Variants in ZNF385D observed in about 807,000 individuals in gnomAD.
ZNF385D encodes the protein zinc finger protein 385D, also known as zinc finger protein 659.
A neutral mutation model predicts 35.8 loss-of-function variants in ZNF385D; 15 were observed. That is an observed-to-expected ratio of 0.42 (90% confidence interval 0.28 to 0.64). The LOEUF (loss-of-function observed/expected upper bound fraction) is 0.64. Ranked by LOEUF, ZNF385D falls within the 30% of genes least tolerant of loss-of-function variation. The pLI, the probability that ZNF385D is intolerant of heterozygous loss-of-function variation, is 0.23. For synonymous variants in ZNF385D, 212 were observed against 186.8 expected (o/e 1.13, Z -1.10); for missense variants, 474 against 494.6 (o/e 0.96, Z 0.39).
chr3:21,839,060 G>A (rs2673525), intron 3 of ZNF385D, among the ~76,000 whole-genome samples: 128,941 of 152,096 alleles, frequency 0.85, 55,092 homozygotes, highest in African/African-American at 0.95. Flanking sequence ...ATAATTAAAG[G>A]TTATTAGAAG....
Position 22,351,899 on chromosome 3 carries a change from C to G in ZNF385D, c.106+20551G>C, listed in dbSNP as rs113898275. Reference sequence around the variant, plus strand: ...TCCCAAATATAGAATGAAAATGGTGCTAACCTGAAGAGAGAGAAAAGAACT... The same window carrying G: ...TCCCAAATATAGAATGAAAATGGTGGTAACCTGAAGAGAGAGAAAAGAACT... On this transcript the variant is annotated intron_variant, in intron 2 of 5. Transcript: ENST00000494108. 9.2e-3 allele frequency among the ~76,000 whole-genome samples: 1,400 copies of G among 152,212 alleles called. 19 individuals are homozygous for G. Among genetic ancestry groups the G allele is most frequent in the African/African-American group, 0.031 (1,304 of 41,538 alleles).
At chr3:21,892,617 T>G (rs1040526839) in intron 3 of ZNF385D, among the ~76,000 whole-genome samples, 6 of 152,166 alleles carry the variant, frequency 3.9e-5, no homozygotes, top group South Asian at 2.1e-4. Flanking sequence ...CAAGTCCTAT[T>G]TATTTGCAAA....
At chr3:21,651,253 A>C (rs1213989078) in intron 2 of ZNF385D, among the ~76,000 whole-genome samples, 1 of 128,144 alleles carries the variant, frequency 7.8e-6, no homozygotes, top group Non-Finnish European at 1.6e-5. Context: ...GTGCCACCGC[A>C]CTCCAGCCTG....
At chr3:21,995,681 T>A (rs764305225) in intron 3 of ZNF385D, among the ~76,000 whole-genome samples, 8 of 151,620 alleles carry the variant, frequency 5.3e-5, no homozygotes, top group Non-Finnish European at 7.4e-5. Context: ...TCTCAAGCAG[T>A]GGCGGTTACA....
At chr3:22,287,574 A>G (rs1375991520) in intron 2 of ZNF385D, among the ~76,000 whole-genome samples, 1 of 151,928 alleles carries the variant, frequency 6.6e-6, no homozygotes, top group African/African-American at 2.4e-5. Flanking sequence ...AAAGCACCTC[A>G]TATTTATAAC....
intron 3 of ZNF385D, among the ~76,000 whole-genome samples, chr3:21,995,525 G>A (rs951931988): frequency 1.3e-5 from 2 of 152,042 alleles, no homozygotes; most frequent in African/African-American, 2.4e-5. Context: ...GAGTGAGGTG[G>A]ATCAATCCCC....
chr3:22,029,739 G>T (rs1006644950), intron 3 of ZNF385D, among the ~76,000 whole-genome samples: 1 of 152,068 alleles, frequency 6.6e-6, no homozygotes. Flanking sequence ...TTGGGTTGGG[G>T]ATTGGTGCAT....
chr3:21,899,046 T>C lies in ZNF385D; in HGVS notation c.326-234018A>G, dbSNP rs572851724. On this transcript the variant is annotated intron_variant, in intron 3 of 5. Coordinates refer to the ZNF385D transcript ENST00000494108. Reference sequence around the variant, plus strand: ...GTTGAGTTATTCCCTCAGACAATAGTTCCCATCAGGAGAACGGGATGTTTA... The same window carrying C: ...GTTGAGTTATTCCCTCAGACAATAGCTCCCATCAGGAGAACGGGATGTTTA... 3.9e-4 allele frequency among the ~76,000 whole-genome samples: 60 copies of C among 152,188 alleles called. 1 individual carries two copies. In the South Asian group the frequency reaches 5.4e-3, roughly 14 times the overall value.
At chr3:21,814,564 C>G (rs2073067357) in intron 3 of ZNF385D, among the ~76,000 whole-genome samples, 1 of 152,028 alleles carries the variant, frequency 6.6e-6, no homozygotes, top group African/African-American at 2.4e-5. Context: ...TTTAAACCAA[C>G]AAAGATCAAA....
intron 2 of ZNF385D, among the ~76,000 whole-genome samples, chr3:21,623,373 T>A (rs891539135): frequency 1.3e-5 from 2 of 152,140 alleles, no homozygotes; most frequent in African/African-American, 4.8e-5. Context: ...TCTGAAATGA[T>A]GGCTCACACC....
At chr3:21,621,586 T>TGTGTGTGC (rs745931181) in intron 2 of ZNF385D, among the ~76,000 whole-genome samples, 1 of 148,822 alleles carries the variant, frequency 6.7e-6, no homozygotes, top group Non-Finnish European at 1.5e-5. Context: ...TGTGTGTGTG[T>TGTGTGTGC]GCAGTGTAGT....
intron 3 of ZNF385D, among the ~76,000 whole-genome samples, chr3:21,922,855 A>T (rs1460473874): frequency 3.3e-5 from 5 of 152,168 alleles, no homozygotes; most frequent in African/African-American, 9.7e-5. Flanking sequence ...CAACCTACAG[A>T]ATGGGAGAAA....
intron 3 of ZNF385D, among the ~76,000 whole-genome samples, chr3:22,067,748 G>A (rs1001637412): frequency 2.0e-5 from 3 of 152,160 alleles, no homozygotes; most frequent in Admixed American, 6.5e-5. Flanking sequence ...ATCTGGCTGG[G>A]CATGGTGGCT....
At chr3:22,206,270 A>G (rs146593383) in intron 2 of ZNF385D, among the ~76,000 whole-genome samples, 9 of 152,152 alleles carry the variant, frequency 5.9e-5, no homozygotes, top group African/African-American at 2.2e-4. Flanking sequence ...TGGAACACCC[A>G]GATATATAAA....
intron 4 of ZNF385D, among the ~76,000 whole-genome samples, chr3:21,487,649 T>C (rs1314699528): frequency 1.3e-5 from 2 of 152,012 alleles, no homozygotes; most frequent in African/African-American, 2.4e-5. Context: ...ATAATACACA[T>C]AGCTAGATCA....
intron 3 of ZNF385D, among the ~76,000 whole-genome samples, chr3:21,776,791 A>G (rs2071306400): frequency 6.6e-6 from 1 of 151,918 alleles, no homozygotes; most frequent in Non-Finnish European, 1.5e-5. Context: ...AAGAAACATT[A>G]TTCTTTACGG....
At chr3:22,257,321 A>T (rs189464668) in intron 2 of ZNF385D, among the ~76,000 whole-genome samples, 1 of 151,716 alleles carries the variant, frequency 6.6e-6, no homozygotes, top group Non-Finnish European at 1.5e-5. Flanking sequence ...TATTTCTTCA[A>T]TTAAGGAAAC....
chr3:21,628,466 G>A (rs1014811411), intron 2 of ZNF385D, among the ~76,000 whole-genome samples: 1 of 151,624 alleles, frequency 6.6e-6, no homozygotes, highest in Non-Finnish European at 1.5e-5. Context: ...GGTACTCTTG[G>A]AGAAAAAGGA....
chr3:22,079,458 C>A (rs1234797935), intron 3 of ZNF385D, among the ~76,000 whole-genome samples: 3 of 151,764 alleles, frequency 2.0e-5, no homozygotes, highest in South Asian at 2.1e-4. Context: ...AGGGGTTCAA[C>A]AAAAGTTTAG....
Sources: allele counts gnomAD v4.1 joint callset (sites outside exome capture counted in the v4.1 genomes callset), GRCh38; gene constraint gnomAD v4.1.1; transcripts MANE v1.5; gene names NCBI Gene and HGNC (gene_info 2026-07-23, HGNC 2026-07-21).